SH2D4A: variants seen among roughly 807,000 people sequenced by gnomAD.
SH2D4A encodes SH2 domain containing 4A.
Under a neutral mutation model 64.7 loss-of-function variants are expected in SH2D4A, and 70 were observed. That is an observed-to-expected ratio of 1.08 (90% CI 0.89 to 1.32). SH2D4A has a LOEUF of 1.32. Among genes scored for constraint, SH2D4A ranks in the 40% most tolerant of loss-of-function variants. The pLI, the probability that SH2D4A is intolerant of heterozygous loss-of-function variation, is 0.00. For missense variants in SH2D4A, 706 were observed against 540.1 expected (o/e 1.31, Z -3.04); for synonymous variants, 268 against 200.7 (o/e 1.34, Z -2.83).
intron 8 of SH2D4A, among the ~76,000 whole-genome samples, chr8:19,388,716 C>A (rs1585214252): frequency 6.6e-6 from 1 of 152,182 alleles, no homozygotes; most frequent in Non-Finnish European, 1.5e-5. Flanking sequence ...CCTATGATCA[C>A]AATTCTTAGA....
intron 4 of SH2D4A, among the ~76,000 whole-genome samples, chr8:19,337,058 A>G (rs1002520182): frequency 9.9e-5 from 15 of 152,202 alleles, no homozygotes; most frequent in Non-Finnish European, 1.5e-5. Flanking sequence ...GGTGCCTGCT[A>G]AACTGACATA....
chr8:19,363,322 C>T (rs563038956), intron 6 of SH2D4A, among the ~76,000 whole-genome samples: 3 of 152,160 alleles, frequency 2.0e-5, no homozygotes, highest in South Asian at 4.2e-4. Context: ...GGTGACCCAC[C>T]GACCTTGGCC....
At chr8:19,327,331 T>C (rs1360906750) in intron 2 of SH2D4A, among the ~76,000 whole-genome samples, 2 of 151,782 alleles carry the variant, frequency 1.3e-5, no homozygotes, top group African/African-American at 4.8e-5. Flanking sequence ...GATTAAAGAG[T>C]GCGTGTAATT....
At chr8:19,351,518 G>A (rs1430640839) in intron 4 of SH2D4A, among the ~76,000 whole-genome samples, 2 of 152,050 alleles carry the variant, frequency 1.3e-5, no homozygotes, top group Admixed American at 1.3e-4. Context: ...CAGGAGAATG[G>A]CGTGAACCCA....
At chr8:19,313,978 G>T in intron 1 of SH2D4A, 155 bp downstream of exon 1, 2 of 1,254,362 alleles carry the variant, frequency 1.6e-6, no homozygotes, top group East Asian at 6.4e-5. Context: ...CCCCTTCGCG[G>T]CGCCCGGGGC....
intron 2 of SH2D4A, among the ~76,000 whole-genome samples, chr8:19,320,142 T>G (rs140150408): frequency 1.3e-5 from 2 of 152,346 alleles, no homozygotes; most frequent in African/African-American, 4.8e-5. Flanking sequence ...AGATTTTTCT[T>G]TGAGGTATCT....
At chr8:19,338,613 C>T (rs1176125601) in intron 4 of SH2D4A, among the ~76,000 whole-genome samples, 5 of 152,120 alleles carry the variant, frequency 3.3e-5, no homozygotes, top group Non-Finnish European at 7.3e-5. Flanking sequence ...AGAGACCATA[C>T]GTGAAGCAAG....
chr8:19,357,835 A>G (rs544761238), intron 5 of SH2D4A, among the ~76,000 whole-genome samples: 1 of 152,152 alleles, frequency 6.6e-6, no homozygotes, highest in Non-Finnish European at 1.5e-5. Context: ...AAAATAAATG[A>G]GGCATAGACT....
intron 4 of SH2D4A, among the ~76,000 whole-genome samples, chr8:19,344,523 A>C (rs2052581593): frequency 6.6e-6 from 1 of 152,148 alleles, no homozygotes; most frequent in Non-Finnish European, 1.5e-5. Context: ...TTTGCTTTCG[A>C]AGAGCGCCTG....
Position 19,357,186 on chromosome 8 carries a change from T to A in SH2D4A, c.514-17T>A. On this transcript the variant is annotated splice_polypyrimidine_tract_variant and intron_variant, in intron 4 of 9. Coordinates refer to ENST00000265807, the MANE Select transcript of SH2D4A (RefSeq NM_022071.4). ...TGCAGCTCCAAATGCCATAAATGTG[T>A]TTCGTTTAATTTTTAGTCACTCTCC... 3 of 1,595,864 alleles carry A rather than the reference T, an allele frequency of 1.9e-6. No individual in the cohort carries two copies. The highest frequency in any genetic ancestry group is 2.6e-6 in the Non-Finnish European group (3 of 1,163,520).
chr8:19,370,411 G>A (rs1460767612), intron 7 of SH2D4A, among the ~76,000 whole-genome samples: 1 of 151,980 alleles, frequency 6.6e-6, no homozygotes, highest in Non-Finnish European at 1.5e-5. Context: ...CTAAATTTAG[G>A]TGCTTCCATG....
chr8:19,379,023 A>C (rs940500131), intron 8 of SH2D4A, among the ~76,000 whole-genome samples: 2 of 150,904 alleles, frequency 1.3e-5, no homozygotes, highest in Admixed American at 1.3e-4. Context: ...CAGAGGTTGC[A>C]GTGAGCCAAG....
At chr8:19,376,822 T>C (rs2053203895) in intron 8 of SH2D4A, among the ~76,000 whole-genome samples, 1 of 152,108 alleles carries the variant, frequency 6.6e-6, no homozygotes, top group African/African-American at 2.4e-5. Flanking sequence ...GTTAGTTGTC[T>C]CCTTAATGAA....
intron 4 of SH2D4A, among the ~76,000 whole-genome samples, chr8:19,353,766 G>A (rs1218366135): frequency 4.7e-5 from 7 of 149,232 alleles, no homozygotes; most frequent in African/African-American, 1.7e-4. Context: ...TTTGTAGAAC[G>A]TGTAAGTGTA....
rs544805603 is a variant in SH2D4A at position 19,344,399 on chromosome 8, T to C, written c.513+9542T>C. The stretch of plus-strand genomic sequence containing the variant: ...TGTACCTGGAGCCGCCTGCATTCCT[T>C]ATGCTTTCCGAGTGGCCCCTCAAGC... On this transcript the variant is annotated intron_variant, in intron 4 of 9. Coordinates refer to ENST00000265807, the MANE Select transcript of SH2D4A (RefSeq NM_022071.4). 1.4e-4 allele frequency among the ~76,000 whole-genome samples: 21 copies of C among 152,310 alleles called. No individual in the cohort carries two copies. The South Asian group carries it at 4.1e-3, about 30-fold the overall frequency.
chr8:19,328,950 C>T (rs1318813204), intron 2 of SH2D4A, among the ~76,000 whole-genome samples: 1 of 152,176 alleles, frequency 6.6e-6, no homozygotes, highest in Admixed American at 6.5e-5. Context: ...TCCTAAATTT[C>T]AGTCCCTTAG....
chr8:19,360,698 G>C (rs986956765), intron 5 of SH2D4A: 2 of 152,192 alleles, frequency 1.3e-5, no homozygotes, highest in African/African-American at 4.8e-5. Context: ...TGACTCGGGG[G>C]AGAGATTCAG....
rs565288565 is a variant in SH2D4A at position 19,357,424 on chromosome 8, G to C, written c.594+141G>C. On this transcript the variant is annotated intron_variant, in intron 5 of 9. Coordinates refer to ENST00000265807, the MANE Select transcript of SH2D4A (RefSeq NM_022071.4). ...ATCTGTCCTAAAAGCTGCAAACACA[G>C]TTCTGCATCTTTACCCGTTTATCTG... is the stretch of plus-strand genomic sequence containing the variant. 222 of 678,000 alleles carry C rather than the reference G, an allele frequency of 3.3e-4. 1 individual carries two copies. In the African/African-American group the frequency reaches 3.7e-3, roughly 11 times the overall value. 42.0% of individuals were successfully genotyped at this position (678,000 alleles called of 1,614,324 possible).
At chr8:19,362,128 C>G (rs1036246945) in intron 6 of SH2D4A, among the ~76,000 whole-genome samples, 4 of 152,202 alleles carry the variant, frequency 2.6e-5, no homozygotes, top group African/African-American at 9.7e-5. Context: ...GCTATATTTG[C>G]AGGATGTTGA....
Sources: allele counts gnomAD v4.1 joint callset (sites outside exome capture counted in the v4.1 genomes callset), GRCh38; gene constraint gnomAD v4.1.1; transcripts MANE v1.5; gene names NCBI Gene and HGNC (gene_info 2026-07-23, HGNC 2026-07-21).